The following HPSE variants were observed in gnomAD, a reference collection of about 807,000 sequenced individuals.
HPSE encodes the protein heparanase.
A neutral mutation model predicts 65.1 loss-of-function variants in HPSE; 48 were observed. The ratio of observed to expected loss-of-function variants is 0.74; its 90% CI spans 0.58 to 0.94. HPSE has a LOEUF of 0.94. Among genes scored for constraint, HPSE ranks in the 40% least tolerant of loss-of-function variants. The pLI, the probability that HPSE is intolerant of heterozygous loss-of-function variation, is 0.00. For missense variants in HPSE, 644 were observed against 637.5 expected (o/e 1.01, Z -0.11); for synonymous variants, 243 against 260.0 (o/e 0.93, Z 0.63).
chr4:83,319,554 T>C, intron 2 of HPSE, 85 bp from the exon 3 acceptor site: 1 of 1,363,182 alleles, frequency 7.3e-7, no homozygotes, highest in Non-Finnish European at 1.0e-6. Context: ...TAGCTATTTA[T>C]GTGACTAAAG....
chr4:83,301,760 A>G (rs979171009), intron 10 of HPSE, among the ~76,000 whole-genome samples: 4 of 152,174 alleles, frequency 2.6e-5, no homozygotes, highest in African/African-American at 9.7e-5. Flanking sequence ...TTTGCTACCT[A>G]AAGCAAGAGT....
At chr4:83,332,397 G>C (rs1460702290) in intron 1 of HPSE, among the ~76,000 whole-genome samples, 1 of 152,260 alleles carries the variant, frequency 6.6e-6, no homozygotes, top group Non-Finnish European at 1.5e-5. Context: ...TGTGCTTGTC[G>C]ATGCGTCTGG....
intron 3 of HPSE, among the ~76,000 whole-genome samples, chr4:83,317,446 G>A (rs1283611686): frequency 6.6e-6 from 1 of 152,170 alleles, no homozygotes; most frequent in African/African-American, 2.4e-5. Context: ...CATGAAAACT[G>A]AAAATTTCGA....
At chr4:83,323,840 TA>T (rs1285024089) in intron 1 of HPSE, among the ~76,000 whole-genome samples, 1 of 152,196 alleles carries the variant, frequency 6.6e-6, no homozygotes, top group Non-Finnish European at 1.5e-5. Context: ...GAATGATCTA[TA>T]ATCCCTTCCC....
intron 9 of HPSE, among the ~76,000 whole-genome samples, chr4:83,303,166 A>G (rs2126184558): frequency 6.6e-6 from 1 of 152,340 alleles, no homozygotes; most frequent in Middle Eastern, 3.4e-3. Flanking sequence ...AAAAACCTGA[A>G]TAAACTCAAG....
At chr4:83,318,063 T>G (rs1326180544) in intron 3 of HPSE, among the ~76,000 whole-genome samples, 1 of 152,222 alleles carries the variant, frequency 6.6e-6, no homozygotes, top group East Asian at 1.9e-4. Context: ...ACATAAAAAA[T>G]GTACATAAAT....
At position 83,301,163 on chromosome 4, in the gene HPSE, A is replaced by G. The variant is rs537239810; in HGVS notation, c.1326-57T>C. 8 of 1,139,046 alleles carry G rather than the reference A, an allele frequency of 7.0e-6. No homozygotes were observed. The African/African-American group carries it at 1.3e-4, about 18-fold the overall frequency. 70.6% of individuals were successfully genotyped at this position (1,139,046 alleles called of 1,614,324 possible). A position where few individuals can be genotyped will look rare whatever the true frequency, so the allele number is the denominator to read the frequency against. On this transcript the variant is annotated intron_variant, in intron 10 of 11. Transcript: ENST00000311412. ...ATGTATCTAATTTAAGCAATTAAAA[A>G]CTCAATTACAAATGTGATCCTAAGT...
intron 2 of HPSE, 91 bp downstream of exon 2, chr4:83,322,128 G>A (rs1397223444): frequency 9.7e-7 from 1 of 1,035,354 alleles, no homozygotes; most frequent in Admixed American, 2.1e-5. Context: ...CTCATTAATT[G>A]TTAGGTGTGA....
At chr4:83,333,930 G>A (rs1280370391) in intron 1 of HPSE, among the ~76,000 whole-genome samples, 1 of 152,096 alleles carries the variant, frequency 6.6e-6, no homozygotes, top group Non-Finnish European at 1.5e-5. Flanking sequence ...AGAAGGCTAT[G>A]CACAATCTTA....
At chr4:83,305,209 A>G (rs935506001) in intron 9 of HPSE, among the ~76,000 whole-genome samples, 2 of 152,188 alleles carry the variant, frequency 1.3e-5, no homozygotes, top group African/African-American at 4.8e-5. Context: ...GGGCCCTGGG[A>G]AAATTTGGAT....
At chr4:83,311,338 A>T (rs4631034) in intron 4 of HPSE, among the ~76,000 whole-genome samples, 116,662 of 152,010 alleles carry the variant, frequency 0.77, 44,832 homozygotes, top group East Asian at 0.87. Context: ...GTAAAACTCA[A>T]AGTTATAAAT....
At chr4:83,325,594 A>T (rs1163203267) in intron 1 of HPSE, among the ~76,000 whole-genome samples, 1 of 152,230 alleles carries the variant, frequency 6.6e-6, no homozygotes, top group Non-Finnish European at 1.5e-5. Context: ...CTGGAGATGA[A>T]TGGTGAACCA....
intron 1 of HPSE, among the ~76,000 whole-genome samples, chr4:83,328,975 A>T (rs1413097081): frequency 1.3e-5 from 2 of 152,184 alleles, no homozygotes; most frequent in Non-Finnish European, 2.9e-5. Flanking sequence ...AGGAAAAGGA[A>T]AAGGAAGTAA....
At chr4:83,311,738 C>T (rs574112005) in intron 4 of HPSE, among the ~76,000 whole-genome samples, 34 of 143,076 alleles carry the variant, frequency 2.4e-4, no homozygotes, top group South Asian at 2.2e-4. Flanking sequence ...GCTATGAACA[C>T]GCCACTGCAC....
intron 1 of HPSE, among the ~76,000 whole-genome samples, chr4:83,328,658 G>C (rs1247782842): frequency 6.6e-6 from 1 of 150,784 alleles, no homozygotes; most frequent in Non-Finnish European, 1.5e-5. Context: ...CCATCATGAG[G>C]GCAGAACAGG....
chr4:83,303,731 G>A lies in HPSE; in HGVS notation c.1207-1463C>T, dbSNP rs149760038. Among the ~76,000 whole-genome samples, 114 of 152,132 alleles carry A rather than the reference G, an allele frequency of 7.5e-4. 2 individuals carry two copies. Among genetic ancestry groups the A allele is most frequent in the African/African-American group, 2.6e-3 (109 of 41,512 alleles). On this transcript the variant is annotated intron_variant, in intron 9 of 11. Coordinates refer to ENST00000311412, the MANE Select transcript of HPSE (RefSeq NM_001098540.3). ...TGCCCAGATAAGTTTTTGATTTTTT[G>A]TTGCCGTAGCTGGTCTTGAACTCCT...
chr4:83,324,113 C>CTTTTTTT lies in HPSE; in HGVS notation c.228-1756_228-1750dup, dbSNP rs398051210. Among the ~76,000 whole-genome samples the CTTTTTTT allele has an allele frequency of 6.1e-3, 459 of 74,702 alleles. 11 individuals are homozygous for CTTTTTTT. The highest frequency in any genetic ancestry group is 0.01 in the Middle Eastern group (1 of 98). The allele number at this position is 74,702 out of a possible 152,430, so 49.0% of individuals were successfully genotyped here. A position where few individuals can be genotyped will look rare whatever the true frequency, so the allele number is the denominator to read the frequency against. On this transcript the variant is annotated intron_variant, in intron 1 of 11. Transcript: ENST00000311412. Reference sequence around the variant, plus strand: ...CTGATTGCCAATACTTCTTCTTCTTCTTTTTTTTTTTTTTTTTTTTTTTTT... The same window carrying CTTTTTTT: ...CTGATTGCCAATACTTCTTCTTCTTCTTTTTTTTTTTTTTTTTTTTTTTTTTTTTTTT...
At chr4:83,299,166 C>G (rs562381337) in intron 11 of HPSE, among the ~76,000 whole-genome samples, 1 of 151,944 alleles carries the variant, frequency 6.6e-6, no homozygotes, top group Non-Finnish European at 1.5e-5. Context: ...GAGTTCAAGA[C>G]CAGCCTGGCC....
intron 1 of HPSE, among the ~76,000 whole-genome samples, chr4:83,328,232 G>A (rs1737225263): frequency 6.6e-6 from 1 of 152,216 alleles, no homozygotes; most frequent in Non-Finnish European, 1.5e-5. Flanking sequence ...TCAAGGTAGT[G>A]GCAGGGCCAT....
Sources: allele counts gnomAD v4.1 joint callset (sites outside exome capture counted in the v4.1 genomes callset), GRCh38; gene constraint gnomAD v4.1.1; transcripts MANE v1.5; gene names NCBI Gene and HGNC (gene_info 2026-07-23, HGNC 2026-07-21).